CCDC81: variants seen among roughly 807,000 people sequenced by gnomAD.
CCDC81 encodes the protein coiled-coil domain containing 81.
In CCDC81, 79 loss-of-function variants were observed where a neutral mutation model predicts 83.7. The observed-to-expected ratio is 0.94, with a 90% CI of 0.79 to 1.14. CCDC81 has a LOEUF of 1.14. Among genes scored for constraint, CCDC81 ranks in the 50% most tolerant of loss-of-function variants. The pLI is 0.00. For missense variants in CCDC81, 791 were observed against 778.1 expected (o/e 1.02, Z -0.20); for synonymous variants, 252 against 278.1 (o/e 0.91, Z 0.93).
Position 86,412,380 on chromosome 11 carries a change from A to T in CCDC81, c.1219-7A>T. ...AGCATAAATGAATTGCTTCTCTTTC[A>T]TTCTAGAAATCCTTCCTATTTGACA... On this transcript the variant is annotated splice_region_variant and splice_polypyrimidine_tract_variant and intron_variant, in intron 10 of 14. Transcript: ENST00000445632. The T allele has an allele frequency of 6.4e-7, 1 of 1,571,286 alleles. No individual in the cohort carries two copies. Among genetic ancestry groups the T allele is most frequent in the South Asian group, 1.2e-5 (1 of 83,598 alleles).
rs1948699260 is a variant in CCDC81 at position 86,415,137 on chromosome 11, C to G, written c.1515C>G (p.Ser505=). ...PSRLPPFEPD[S]SEPIFGKNEG... is the part of the protein sequence containing the mutation. ...GGCTGCCCCCCTTTGAGCCAGACTC[C>G]TCTGAGCCCATCTTTGGTAAGAATG... is the stretch of plus-strand genomic sequence containing the variant. The change falls in exon 13 of 15, where the codon TCC becomes TCG. Residue 505 remains serine, a synonymous_variant. Transcript: ENST00000445632. 1.2e-6 allele frequency: 2 copies of G among 1,614,172 alleles called. No homozygotes were observed. Among genetic ancestry groups the G allele is most frequent in the East Asian group, 4.5e-5 (2 of 44,884 alleles).
At chr11:86,419,845 T>C in intron 13 of CCDC81, 83 bp from the exon 14 acceptor site, 2 of 1,449,814 alleles carry the variant, frequency 1.4e-6, no homozygotes, top group Non-Finnish European at 1.8e-6. Context: ...GTTTTTTTTG[T>C]TTAACATAAA....
At chr11:86,398,042 C>T (rs1365903479) in intron 6 of CCDC81, among the ~76,000 whole-genome samples, 1 of 152,000 alleles carries the variant, frequency 6.6e-6, no homozygotes, top group Non-Finnish European at 1.5e-5. Context: ...TATAGATGGG[C>T]CAGGCTGGTC....
At chr11:86,395,999 T>C (rs76807353) in intron 5 of CCDC81, among the ~76,000 whole-genome samples, 1,660 of 152,272 alleles carry the variant, frequency 0.011, 14 homozygotes, top group South Asian at 0.021. Context: ...GTCCCTGCAG[T>C]ATTAGTAAAA....
At chr11:86,379,337 C>A (rs1391020451) in intron 1 of CCDC81, among the ~76,000 whole-genome samples, 24 of 152,056 alleles carry the variant, frequency 1.6e-4, no homozygotes, top group Non-Finnish European at 1.5e-5. Flanking sequence ...ACCTTGTGAT[C>A]CGCCTACCCC....
chr11:86,414,136 T>C (rs951565589), intron 11 of CCDC81, among the ~76,000 whole-genome samples: 5 of 152,166 alleles, frequency 3.3e-5, no homozygotes, highest in Admixed American at 6.5e-5. Context: ...ATAGAATGAA[T>C]AGTCACTTCC....
chr11:86,405,262 T>G (rs1055407579), intron 7 of CCDC81, among the ~76,000 whole-genome samples: 9 of 152,220 alleles, frequency 5.9e-5, no homozygotes, highest in African/African-American at 2.2e-4. Flanking sequence ...TTCCTTCATC[T>G]CTACTAAAAT....
At chr11:86,383,113 A>G (rs1458418682) in intron 1 of CCDC81, among the ~76,000 whole-genome samples, 3 of 152,190 alleles carry the variant, frequency 2.0e-5, no homozygotes, top group Non-Finnish European at 4.4e-5. Flanking sequence ...ATGTTTTAGC[A>G]AAGTTTAATA....
intron 2 of CCDC81, 107 bp downstream of exon 2, chr11:86,386,219 A>G: frequency 3.1e-6 from 1 of 324,416 alleles, no homozygotes; most frequent in Non-Finnish European, 5.3e-6. Context: ...TGCTGGGAGC[A>G]GGGCAGTAGA....
chr11:86,397,825 G>A (rs1471420644), intron 6 of CCDC81, 83 bp downstream of exon 6: 32 of 1,433,948 alleles, frequency 2.2e-5, no homozygotes, highest in Non-Finnish European at 2.8e-5. Flanking sequence ...GGTAAATAAA[G>A]TTAAATTTAC....
intron 7 of CCDC81, among the ~76,000 whole-genome samples, chr11:86,401,210 G>A (rs970649893): frequency 1.3e-5 from 2 of 152,106 alleles, no homozygotes; most frequent in African/African-American, 4.8e-5. Context: ...CACTCCATTA[G>A]TTCTCAATAA....
intron 6 of CCDC81, 120 bp from the exon 7 acceptor site, chr11:86,400,558 G>T: frequency 5.1e-6 from 5 of 986,720 alleles, no homozygotes; most frequent in Non-Finnish European, 7.4e-6. Context: ...TAGAACAAGG[G>T]GTGATTATTT....
chr11:86,397,514 T>A (rs1948424605), intron 5 of CCDC81, 107 bp from the exon 6 acceptor site: 2 of 1,369,292 alleles, frequency 1.5e-6, no homozygotes, highest in African/African-American at 1.5e-5. Context: ...GAAAGTGGGC[T>A]TATTTCAGAA....
At chr11:86,419,890 C>T in intron 13 of CCDC81, 38 bp from the exon 14 acceptor site, 1 of 1,568,824 alleles carries the variant, frequency 6.4e-7, no homozygotes, top group Non-Finnish European at 8.6e-7. Flanking sequence ...GCATGCTCTT[C>T]CAAGTATTAT....
At chr11:86,402,026 A>G (rs997607382) in intron 7 of CCDC81, among the ~76,000 whole-genome samples, 1 of 149,766 alleles carries the variant, frequency 6.7e-6, no homozygotes, top group South Asian at 2.1e-4. Flanking sequence ...TCCCAGCTAC[A>G]TGGGAGGCTG....
chr11:86,381,282 A>C (rs985264728), intron 1 of CCDC81, among the ~76,000 whole-genome samples: 2 of 152,184 alleles, frequency 1.3e-5, no homozygotes, highest in Middle Eastern at 3.2e-3. Context: ...GCTCTGGTGA[A>C]CTAGTTTCTT....
intron 1 of CCDC81, among the ~76,000 whole-genome samples, chr11:86,381,170 T>A (rs1166265394): frequency 1.3e-5 from 2 of 152,210 alleles, no homozygotes; most frequent in Admixed American, 1.3e-4. Flanking sequence ...TCTCAGATTT[T>A]TCCTTTCTCC....
intron 1 of CCDC81, among the ~76,000 whole-genome samples, chr11:86,378,553 T>G (rs2138485534): frequency 6.6e-6 from 1 of 152,338 alleles, no homozygotes; most frequent in South Asian, 2.1e-4. Context: ...ATCTGTTCAT[T>G]TCTGATAGGT....
chr11:86,405,923 T>C (rs1028423763), intron 7 of CCDC81, among the ~76,000 whole-genome samples: 3 of 152,030 alleles, frequency 2.0e-5, no homozygotes, highest in African/African-American at 2.4e-5. Context: ...CCATCATGCC[T>C]GGCTAATTTT....
Sources: allele counts gnomAD v4.1 joint callset (sites outside exome capture counted in the v4.1 genomes callset), GRCh38; gene constraint gnomAD v4.1.1; transcripts MANE v1.5; gene names NCBI Gene and HGNC (gene_info 2026-07-23, HGNC 2026-07-21).